The following CLEC2A variants were observed in gnomAD, a reference collection of about 807,000 sequenced individuals.
CLEC2A encodes keratinocyte-associated C-type lectin.
Under a neutral mutation model 18.6 loss-of-function variants are expected in CLEC2A, and 19 were observed. The ratio of observed to expected loss-of-function variants is 1.02; its 90% CI spans 0.71 to 1.50. CLEC2A has a LOEUF of 1.50. CLEC2A is among the 40% of genes most tolerant of loss of function. The pLI, the probability that CLEC2A is intolerant of heterozygous loss-of-function variation, is 0.00. For synonymous variants in CLEC2A, 74 were observed against 64.0 expected (o/e 1.16, Z -0.75); for missense variants, 190 against 207.9 (o/e 0.91, Z 0.53).
At position 9,916,876 on chromosome 12, in the gene CLEC2A, A is replaced by G. The variant is rs531019592; in HGVS notation, c.307-73T>C. The G allele has an allele frequency of 3.8e-5, 32 of 851,130 alleles. No homozygotes were observed. In the African/African-American group the frequency reaches 5.2e-4, roughly 14 times the overall value. 52.7% of individuals were successfully genotyped at this position (851,130 alleles called of 1,614,324 possible). On this transcript the variant is annotated intron_variant, in intron 3 of 4. Coordinates refer to ENST00000455827, the MANE Select transcript of CLEC2A (RefSeq NM_001130711.2). Reference sequence around the variant, plus strand: ...CATTGCTGAACATGCTTCCCACCCCAATTATTCTATCTTTTAGGATTCACA... The same window carrying G: ...CATTGCTGAACATGCTTCCCACCCCGATTATTCTATCTTTTAGGATTCACA...
chr12:9,895,969 C>A, downstream of CLEC2A: 1 of 788,690 alleles, frequency 1.3e-6, no homozygotes, highest in Non-Finnish European at 1.8e-6. Flanking sequence ...AGTATTTTAT[C>A]CTGAATTGAC....
chr12:9,894,046 C>T (rs571135), downstream of CLEC2A, among the ~76,000 whole-genome samples: 2 of 150,986 alleles, frequency 1.3e-5, no homozygotes, highest in Admixed American at 6.6e-5. Context: ...CTTTTTCTTT[C>T]TTTCTTTCTC....
At chr12:9,900,986 G>GA (rs531713475) in intron 4 of CLEC2A, among the ~76,000 whole-genome samples, 40 of 150,374 alleles carry the variant, frequency 2.7e-4, no homozygotes, top group Admixed American at 1.4e-3. Context: ...CAGGCAGAGA[G>GA]AAAAAAAAAC....
intron 3 of CLEC2A, among the ~76,000 whole-genome samples, chr12:9,917,198 C>T (rs1048148919): frequency 6.6e-6 from 1 of 152,110 alleles, no homozygotes; most frequent in Admixed American, 6.5e-5. Flanking sequence ...AAGCCACAAA[C>T]CTTTCATTAG....
intron 4 of CLEC2A, among the ~76,000 whole-genome samples, chr12:9,914,010 C>A (rs1198538739): frequency 1.3e-5 from 2 of 152,130 alleles, no homozygotes; most frequent in Admixed American, 1.3e-4. Flanking sequence ...TTTCTTCTTT[C>A]TTTCCTTTCT....
chr12:9,903,308 T>TC (rs1297059980), intron 4 of CLEC2A, among the ~76,000 whole-genome samples: 1 of 152,164 alleles, frequency 6.6e-6, no homozygotes, highest in Non-Finnish European at 1.5e-5. Context: ...GAGCTGTTTC[T>TC]ATAAGCCTTT....
chr12:9,926,363 A>T lies in CLEC2A; in HGVS notation c.56-20T>A, dbSNP rs763167252. ...TGGGAACTGCAAATTAAATCAACAC[A>T]TATTTTACAATTTCTGAATAAACAC... On this transcript the variant is annotated intron_variant, in intron 1 of 4. Transcript: ENST00000455827. 1 of 1,443,204 alleles carries T rather than the reference A, an allele frequency of 6.9e-7. No homozygotes were observed. Among genetic ancestry groups the T allele is most frequent in the East Asian group, 2.5e-5 (1 of 40,390 alleles). The allele number at this position is 1,443,204 out of a possible 1,614,324, so 89.4% of individuals were successfully genotyped here.
intron 2 of CLEC2A, among the ~76,000 whole-genome samples, chr12:9,925,905 G>T (rs930817207): frequency 6.6e-6 from 1 of 152,142 alleles, no homozygotes; most frequent in Admixed American, 6.5e-5. Context: ...AATAGTCATT[G>T]TCTCCGGGAT....
downstream of CLEC2A, among the ~76,000 whole-genome samples, chr12:9,896,143 C>G (rs1379385217): frequency 6.6e-6 from 1 of 151,974 alleles, no homozygotes; most frequent in African/African-American, 2.4e-5. Context: ...AATAAAACAA[C>G]TTTAAAGGAA....
At chr12:9,924,419 G>A (rs1863230694) in intron 2 of CLEC2A, among the ~76,000 whole-genome samples, 1 of 152,090 alleles carries the variant, frequency 6.6e-6, no homozygotes. Context: ...AAGACTATCA[G>A]TATTCTTGAG....
At chr12:9,879,404 A>C in the CLEC2A span, among the ~76,000 whole-genome samples, 2 of 152,234 alleles carry the variant, frequency 1.3e-5, no homozygotes, top group Non-Finnish European at 2.9e-5. Flanking sequence ...ACATGGCCAC[A>C]GGTGTAATTA....
chr12:9,891,478 T>C, the CLEC2A span, among the ~76,000 whole-genome samples: 2 of 152,198 alleles, frequency 1.3e-5, no homozygotes, highest in Non-Finnish European at 2.9e-5. Context: ...TGGTACTTCA[T>C]TGACCAGTCT....
intron 2 of CLEC2A, among the ~76,000 whole-genome samples, chr12:9,925,908 TC>T (rs1350750550): frequency 1.3e-5 from 2 of 152,178 alleles, no homozygotes; most frequent in African/African-American, 4.8e-5. Context: ...AGTCATTGTC[TC>T]CGGGATTGGC....
intron 4 of CLEC2A, among the ~76,000 whole-genome samples, chr12:9,908,134 G>A (rs1862931009): frequency 6.6e-6 from 1 of 152,172 alleles, no homozygotes; most frequent in Admixed American, 6.5e-5. Flanking sequence ...AGGGGAATGG[G>A]ATATTGTTTT....
chr12:9,924,987 C>T (rs1208651917), intron 2 of CLEC2A, among the ~76,000 whole-genome samples: 1 of 152,216 alleles, frequency 6.6e-6, no homozygotes, highest in East Asian at 1.9e-4. Context: ...GTGCAAACAA[C>T]ATTTGTTAAT....
intron 4 of CLEC2A, among the ~76,000 whole-genome samples, chr12:9,900,516 T>A (rs558729873): frequency 5.3e-5 from 8 of 152,342 alleles, no homozygotes; most frequent in South Asian, 4.1e-4. Flanking sequence ...CAAGAATAAC[T>A]ATTTCTACAT....
chr12:9,904,272 C>T (rs921250973), intron 4 of CLEC2A, among the ~76,000 whole-genome samples: 3 of 152,130 alleles, frequency 2.0e-5, no homozygotes, highest in African/African-American at 7.2e-5. Flanking sequence ...GATTCATGAC[C>T]CCAGGCTGTG....
intron 3 of CLEC2A, among the ~76,000 whole-genome samples, chr12:9,920,442 G>A (rs867130821): frequency 3.1e-4 from 47 of 152,162 alleles, no homozygotes; most frequent in African/African-American, 1.1e-3. Flanking sequence ...AAAGATCCAT[G>A]GGAGCAGCAT....
chr12:9,910,663 A>G (rs902359950), downstream of CLEC2A, among the ~76,000 whole-genome samples: 2 of 152,340 alleles, frequency 1.3e-5, no homozygotes, highest in Non-Finnish European at 2.9e-5. Context: ...CCAAGGAAAT[A>G]CTTTATTGCC....
Sources: gnomAD v4.1 joint callset for allele counts (sites outside exome capture counted in the v4.1 genomes callset) on GRCh38, gnomAD v4.1.1 for gene constraint, MANE v1.5 for transcripts, NCBI Gene and HGNC (gene_info 2026-07-23, HGNC 2026-07-21) for gene names.